Variants in ANKLE1 observed in about 807,000 individuals in gnomAD.
The protein encoded by ANKLE1 is structure-specific endonuclease ANKLE1.
ANKLE1 carries 59 observed loss-of-function variants against 56.2 expected under a neutral mutation model. That is an observed-to-expected ratio of 1.05 (90% CI 0.85 to 1.30). The LOEUF is 1.30. Among genes scored for constraint, ANKLE1 ranks in the 50% most tolerant of loss-of-function variants. The probability of loss-of-function intolerance (pLI) is 0.00; values close to 1 mark genes in which losing one functional copy is unlikely to be tolerated. For synonymous variants in ANKLE1, 341 were observed against 352.9 expected (o/e 0.97, Z 0.38); for missense variants, 771 against 816.1 (o/e 0.94, Z 0.67).
chr19:17,286,692 T>TGTTTG lies in ANKLE1; in HGVS notation c.*140_*141insGTTTG, dbSNP rs2074038623. On this transcript the variant is annotated 3_prime_UTR_variant, in exon 9 of 9. Coordinates refer to ENST00000404085, the MANE Select transcript of ANKLE1 (RefSeq NM_152363.6). ...TGTGTGTGTGTGTGTGTGTGTGTGT[T>TGTTTG]TGTGTGTGTGTGTGTGTGTGTAGGG... The TGTTTG allele has an allele frequency of 9.3e-5, 88 of 943,038 alleles. No individual in the cohort carries two copies. In the African/African-American group the frequency reaches 2.6e-3, roughly 28 times the overall value. 58.4% of individuals were successfully genotyped at this position (943,038 alleles called of 1,614,324 possible). A position where few individuals can be genotyped will look rare whatever the true frequency, so the allele number is the denominator to read the frequency against.
At chr19:17,282,836 G>T in intron 3 of ANKLE1, 28 bp from the exon 4 acceptor site, 1 of 1,584,352 alleles carries the variant, frequency 6.3e-7, no homozygotes. Context: ...AGGGCCTCGG[G>T]CGCCCCCTGC....
chr19:17,285,758 C>A lies in ANKLE1; in HGVS notation c.1614C>A (p.Cys538Ter), dbSNP rs765819000. ...GTTGCGGTGTTGTGTCCCTACATTG[C>A]TTCCAGCACGTGGTCGCTGTGGAGG... ...ASGCGVVSLH[C>*]FQHVVAVEAY... Residue 538 changes from cysteine (C) to a stop codon, truncating the protein, a stop_gained, in exon 8 of 9, where the codon TGC becomes TGA. Transcript: ENST00000404085. LOFTEE classifies it high-confidence loss of function. 8 of 1,613,940 alleles carry A rather than the reference C, an allele frequency of 5.0e-6. No individual in the cohort carries two copies. The highest frequency in any genetic ancestry group is 6.8e-6 in the Non-Finnish European group (8 of 1,179,886).
chr19:17,285,499 G>C lies in ANKLE1; in HGVS notation c.1445G>C (p.Arg482Pro). 6.2e-7 allele frequency: 1 copy of C among 1,613,870 alleles called. No homozygotes were observed. The highest frequency in any genetic ancestry group is 8.5e-7 in the Non-Finnish European group (1 of 1,179,878). ...GCTGAGCGCCTTCAGACTTTCATCC[G>C]TGCCATCTTCTACGTGGGCAAAGGG... The part of the protein sequence containing the change: ...TPAERLQTFI[R>P]AIFYVGKGTR... Residue 482 changes from arginine (R) to proline (P), a missense_variant, in exon 7 of 9, where the codon CGT (arginine) becomes CCT (proline). By Grantham distance (103) the Arg-to-Pro change is moderately radical (BLOSUM62 -2). Coordinates refer to ENST00000404085, the MANE Select transcript of ANKLE1 (RefSeq NM_152363.6).
At position 17,283,718 on chromosome 19, in the gene ANKLE1, C is replaced by T; in HGVS notation, c.954C>T (p.His318=). 1 of 1,613,708 alleles carries T rather than the reference C, an allele frequency of 6.2e-7. No individual in the cohort carries two copies. Among genetic ancestry groups the T allele is most frequent in the Admixed American group, 1.7e-5 (1 of 60,026 alleles). The change falls in exon 5 of 9, where the codon CAC becomes CAT. Residue 318 remains histidine (H), a synonymous_variant. Coordinates refer to ENST00000404085, the MANE Select transcript of ANKLE1 (RefSeq NM_152363.6). ...RTPTPGASDC[H]CLWEHQTSID... ...CAACCCCTGGAGCTTCTGACTGCCA[C>T]TGCCTGTGGGAGCACCAGACATCCA...
Position 17,283,256 on chromosome 19 carries a change from G to A in ANKLE1, c.492G>A (p.Thr164=), listed in dbSNP as rs111235808. The A allele has an allele frequency of 8.3e-4, 1,333 of 1,612,840 alleles. 16 individuals are homozygous for A. The African/African-American group carries it at 0.013, about 15-fold the overall frequency. The change falls in exon 5 of 9, where the codon ACG becomes ACA. Residue 164 remains threonine (T), a synonymous_variant. Coordinates refer to ENST00000404085, the MANE Select transcript of ANKLE1 (RefSeq NM_152363.6). ...GCCTCTCTGGACCTACCGATGAGACGCTGGACTCCATAGCACTCCAAAAGC... is the reference window on the plus strand; with the variant it reads ...GCCTCTCTGGACCTACCGATGAGACACTGGACTCCATAGCACTCCAAAAGC... ...TPGLSGPTDE[T]LDSIALQKQP...
rs528240376 is a variant in ANKLE1 at position 17,283,167 on chromosome 19, T to G, written c.461-58T>G. On this transcript the variant is annotated intron_variant, in intron 4 of 8. Transcript: ENST00000404085. ...GATCTCCTTTTTCTGTTTGATCCTATTCTCATCGCTGTCTCATCCCTCCTC... is the reference window on the plus strand; with the variant it reads ...GATCTCCTTTTTCTGTTTGATCCTAGTCTCATCGCTGTCTCATCCCTCCTC... 146 of 1,567,086 alleles carry G rather than the reference T, an allele frequency of 9.3e-5. No individual in the cohort carries two copies. In the African/African-American group the frequency reaches 1.8e-3, roughly 19 times the overall value.
At chr19:17,284,392 T>A (rs950880645) in intron 6 of ANKLE1, 126 bp downstream of exon 6, 40 of 928,880 alleles carry the variant, frequency 4.3e-5, no homozygotes, top group Non-Finnish European at 5.4e-5. Context: ...TCTTTTTTTT[T>A]ATTTTTTTAA....
rs769802726 is a variant in ANKLE1 at position 17,286,575 on chromosome 19, G to A, written c.*23G>A. Reference sequence around the variant, plus strand: ...TGAGTGCTGGGGAGTTGGCCATCCAGCCTGGGGAGAAATGTTTGAATGTTC... The same window carrying A: ...TGAGTGCTGGGGAGTTGGCCATCCAACCTGGGGAGAAATGTTTGAATGTTC... On this transcript the variant is annotated 3_prime_UTR_variant, in exon 9 of 9. Transcript: ENST00000404085. The A allele has an allele frequency of 1.7e-5, 27 of 1,585,806 alleles. No individual in the cohort carries two copies. The highest frequency in any genetic ancestry group is 2.3e-5 in the Non-Finnish European group (27 of 1,166,776).
chr19:17,285,822 G>T lies in ANKLE1; in HGVS notation c.1675+3G>T. On this transcript the variant is annotated splice_donor_region_variant and intron_variant, in intron 8 of 8. Transcript: ENST00000404085. Reference sequence around the variant, plus strand: ...GGCGTGTATTGTGGAAGCCCTAGGTGGGTGCCTGGTACCTAGAATGGGGGT... The same window carrying T: ...GGCGTGTATTGTGGAAGCCCTAGGTTGGTGCCTGGTACCTAGAATGGGGGT... 1 of 1,613,270 alleles carries T rather than the reference G, an allele frequency of 6.2e-7. No homozygotes were observed.
chr19:17,282,894 CA>C lies in ANKLE1; in HGVS notation c.353del (p.Gln118ArgfsTer51). 6.3e-7 allele frequency: 1 copy of C among 1,578,710 alleles called. No individual in the cohort carries two copies. Reference sequence around the variant, plus strand: ...ACTCCGGCCGCTGGACCTGGCCCTGCAGCAGGGACACCTGGAGTGCGCGCGA... The same window carrying C: ...ACTCCGGCCGCTGGACCTGGCCCTGCGCAGGGACACCTGGAGTGCGCGCGA... ...DGLRPLDLAL[Q>X]QGHLECARVL... On this transcript the variant is annotated frameshift_variant, in exon 4 of 9. Transcript: ENST00000404085. LOFTEE classifies it high-confidence loss of function.
chr19:17,284,174 G>A lies in ANKLE1; in HGVS notation c.1284G>A (p.Ala428=), dbSNP rs201964957. 3.1e-5 allele frequency: 50 copies of A among 1,613,782 alleles called. No individual in the cohort carries two copies. Among genetic ancestry groups the A allele is most frequent in the East Asian group, 1.1e-4 (5 of 44,876 alleles). The change falls in exon 6 of 9, where the codon GCG becomes GCA. Residue 428 remains alanine, a synonymous_variant. Coordinates refer to ENST00000404085, the MANE Select transcript of ANKLE1 (RefSeq NM_152363.6). The part of the protein sequence containing the change: ...CIPDVQADED[A]LAQQFEQPDP... ...CAGATGTCCAGGCAGATGAAGACGC[G>A]CTGGCCCAGCAGTTTGAGCAGCCAG...
In ANKLE1 at chr19:17,286,660, G is replaced by C. The variant is rs955413287; in HGVS notation, c.*108G>C. 1 of 690,294 alleles carries C rather than the reference G, an allele frequency of 1.4e-6. No individual in the cohort carries two copies. The highest frequency in any genetic ancestry group is 2.3e-5 in the African/African-American group (1 of 44,388). The allele number at this position is 690,294 out of a possible 1,614,324, so 42.8% of individuals were successfully genotyped here. On this transcript the variant is annotated 3_prime_UTR_variant, in exon 9 of 9. Coordinates refer to ENST00000404085, the MANE Select transcript of ANKLE1 (RefSeq NM_152363.6). ...GGTTTCAGAAGGGGTGTGTGTGTGTGTGTGTGTGTGTGTGTGTGTGTGTGT... is the reference window on the plus strand; with the variant it reads ...GGTTTCAGAAGGGGTGTGTGTGTGTCTGTGTGTGTGTGTGTGTGTGTGTGT...
chr19:17,286,805 C>A lies in ANKLE1; in HGVS notation c.*253C>A, dbSNP rs887988859. ...AGGTAGTAAGTAGTGAGCTCCCCAT[C>A]GTGGGAGGAGGACAAGAAGGGAAGC... On this transcript the variant is annotated 3_prime_UTR_variant, in exon 9 of 9. Coordinates refer to ENST00000404085, the MANE Select transcript of ANKLE1 (RefSeq NM_152363.6). 7.5e-7 allele frequency: 1 copy of A among 1,334,358 alleles called. No individual in the cohort carries two copies. The highest frequency in any genetic ancestry group is 9.6e-7 in the Non-Finnish European group (1 of 1,038,132). 82.7% of individuals were successfully genotyped at this position (1,334,358 alleles called of 1,614,324 possible).
In ANKLE1 at chr19:17,286,510, C is replaced by A. The variant is rs376538704; in HGVS notation, c.1806C>A (p.Gly602=). The change falls in exon 9 of 9, where the codon GGC becomes GGA. Residue 602 remains glycine (G), a synonymous_variant. Coordinates refer to ENST00000404085, the MANE Select transcript of ANKLE1 (RefSeq NM_152363.6). The stretch of plus-strand genomic sequence containing the variant: ...CCCTCCTTGTCTTCCTGGCTGAAGG[C>A]GAGCGACAGCTTCATCCCCAGGACA... ...HRALLVFLAE[G]ERQLHPQDIQ... 1 of 1,611,476 alleles carries A rather than the reference C, an allele frequency of 6.2e-7. No individual in the cohort carries two copies. Among genetic ancestry groups the A allele is most frequent in the Non-Finnish European group, 8.5e-7 (1 of 1,179,228 alleles).
chr19:17,285,850 T>C (rs757739817), intron 8 of ANKLE1, 31 bp downstream of exon 8: 1 of 1,610,540 alleles, frequency 6.2e-7, no homozygotes, highest in East Asian at 2.2e-5. Flanking sequence ...ATGGGGGTCA[T>C]ATGAAAGGCA....
Position 17,283,756 on chromosome 19 carries a change from T to C in ANKLE1, c.992T>C (p.Met331Thr), listed in dbSNP as rs1170531214. Residue 331 changes from methionine (M) to threonine (T), a missense_variant, in exon 5 of 9, where the codon ATG becomes ACG. Transcript: ENST00000404085. The part of the protein sequence containing the change: ...WEHQTSIDSD[M>T]ATLWLTEDEA... ...CACCAGACATCCATTGATAGTGACATGGCCACGCTCTGGCTGACAGAGGAT... is the reference window on the plus strand; with the variant it reads ...CACCAGACATCCATTGATAGTGACACGGCCACGCTCTGGCTGACAGAGGAT... 2 of 1,613,526 alleles carry C rather than the reference T, an allele frequency of 1.2e-6. No individual in the cohort carries two copies. The highest frequency in any genetic ancestry group is 1.7e-6 in the Non-Finnish European group (2 of 1,179,888).
Position 17,283,330 on chromosome 19 carries a change from G to A in ANKLE1, c.566G>A (p.Gly189Glu), listed in dbSNP as rs374443702. The A allele has an allele frequency of 5.5e-5, 89 of 1,613,436 alleles. No individual in the cohort carries two copies. The South Asian group carries it at 9.1e-4, about 17-fold the overall frequency. The change falls in exon 5 of 9, where the codon GGA (glycine) becomes GAA (glutamate). Residue 189 changes from glycine (G) to glutamate (E), a missense_variant. Physicochemically the swap from Gly to Glu is moderately conservative, Grantham distance 98. Transcript: ENST00000404085. ...GACATTGGCTTGGAGGCTGACCCAG[G>A]ACCCCCCAGCCTCCCTGTTCCCCTT... ...NRDIGLEADP[G>E]PPSLPVPLET...
Position 17,286,645 on chromosome 19 carries a change from GGGGT to G in ANKLE1, c.*95_*98del, listed in dbSNP as rs1568343524. The G allele has an allele frequency of 1.7e-5, 25 of 1,511,664 alleles. No homozygotes were observed. The East Asian group carries it at 5.7e-4, about 34-fold the overall frequency. 93.6% of individuals were successfully genotyped at this position (1,511,664 alleles called of 1,614,324 possible). On this transcript the variant is annotated 3_prime_UTR_variant, in exon 9 of 9. Coordinates refer to ENST00000404085, the MANE Select transcript of ANKLE1 (RefSeq NM_152363.6). ...GCAGCCCCCATCTCTGGTTTCAGAA[GGGGT>G]GTGTGTGTGTGTGTGTGTGTGTGTG... is the stretch of plus-strand genomic sequence containing the variant.
At position 17,285,695 on chromosome 19, in the gene ANKLE1, C is replaced by A; in HGVS notation, c.1551C>A (p.Cys517Ter). Reference protein sequence around the residue: ...GRSRKQPHQACPKVRQILDIW... With the variant: ...GRSRKQPHQA ...TTCTGCCCTAGCCCCACCAGGCCTG[C>A]CCCAAGGTGCGTCAGATCTTGGACA... Residue 517 changes from cysteine (C) to a stop codon, truncating the protein, a stop_gained, in exon 8 of 9, where the codon TGC becomes TGA. Coordinates refer to ENST00000404085, the MANE Select transcript of ANKLE1 (RefSeq NM_152363.6). LOFTEE classifies it high-confidence loss of function. 6.2e-7 allele frequency: 1 copy of A among 1,613,922 alleles called. No individual in the cohort carries two copies. Among genetic ancestry groups the A allele is most frequent in the Non-Finnish European group, 8.5e-7 (1 of 1,179,894 alleles).
Sources: allele counts gnomAD v4.1 joint callset, GRCh38; gene constraint gnomAD v4.1.1; transcripts MANE v1.5; gene names NCBI Gene and HGNC (gene_info 2026-07-23, HGNC 2026-07-21).